TAS2R1: variants seen among roughly 807,000 people sequenced by gnomAD.
TAS2R1 encodes taste 2 receptor member 1.
For synonymous variants in TAS2R1, 141 were observed against 134.2 expected (o/e 1.05, Z -0.35); for missense variants, 370 against 353.4 (o/e 1.05, Z -0.38).
At chr5:9,686,187 G>T (rs1267544778) in intron 1 of TAS2R1, among the ~76,000 whole-genome samples, 2 of 152,092 alleles carry the variant, frequency 1.3e-5, no homozygotes, top group African/African-American at 2.4e-5. Flanking sequence ...TTTAAGCTGC[G>T]ATCGGATGAC....
At chr5:9,898,437 C>G in the TAS2R1 span, among the ~76,000 whole-genome samples, 2 of 152,198 alleles carry the variant, frequency 1.3e-5, no homozygotes, top group South Asian at 2.1e-4. Flanking sequence ...GGTTTTGAGA[C>G]CTTCCCTAAG....
chr5:9,728,359 C>T, the TAS2R1 span, among the ~76,000 whole-genome samples: 1 of 152,166 alleles, frequency 6.6e-6, no homozygotes, highest in African/African-American at 2.4e-5. Context: ...AATAAGGGAA[C>T]AAAGTTCCAA....
chr5:9,806,579 A>T, the TAS2R1 span, among the ~76,000 whole-genome samples: 1 of 152,088 alleles, frequency 6.6e-6, no homozygotes, highest in Admixed American at 6.6e-5. Flanking sequence ...GAATCCAGAA[A>T]AGAAATAAAG....
the TAS2R1 span, among the ~76,000 whole-genome samples, chr5:9,818,813 G>C: frequency 1.4e-3 from 218 of 152,322 alleles, no homozygotes; most frequent in Admixed American, 5.4e-3. Context: ...ATTGCAAGAT[G>C]TGGGACACAA....
chr5:9,848,229 C>A, the TAS2R1 span, among the ~76,000 whole-genome samples: 1 of 152,210 alleles, frequency 6.6e-6, no homozygotes, highest in Non-Finnish European at 1.5e-5. Context: ...GCCTTCTATT[C>A]CTCCAAAGAC....
chr5:9,701,233 C>G (rs1197273371), intron 1 of TAS2R1, among the ~76,000 whole-genome samples: 1 of 43,418 alleles, frequency 2.3e-5, no homozygotes, highest in Admixed American at 2.7e-4. Context: ...CACACACACA[C>G]ACACACACAC....
the TAS2R1 span, among the ~76,000 whole-genome samples, chr5:9,830,067 A>G: frequency 2.6e-4 from 39 of 152,328 alleles, no homozygotes; most frequent in African/African-American, 8.7e-4. Context: ...GGAGGCCACA[A>G]GCATTTTTGC....
chr5:9,730,865 TA>T, the TAS2R1 span, among the ~76,000 whole-genome samples: 1 of 152,230 alleles, frequency 6.6e-6, no homozygotes, highest in Admixed American at 6.5e-5. Flanking sequence ...GATAGTTTTA[TA>T]AGGCATTTCC....
At chr5:9,697,783 T>C (rs1392423663) in intron 1 of TAS2R1, among the ~76,000 whole-genome samples, 5 of 152,140 alleles carry the variant, frequency 3.3e-5, no homozygotes, top group African/African-American at 9.7e-5. Flanking sequence ...CCAGCAGCTA[T>C]TATGCTTAAT....
the TAS2R1 span, among the ~76,000 whole-genome samples, chr5:9,855,536 T>G: frequency 6.6e-6 from 1 of 152,164 alleles, no homozygotes; most frequent in African/African-American, 2.4e-5. Context: ...GCAGCATATA[T>G]AAAAGAACAG....
At chr5:9,816,906 G>A in the TAS2R1 span, among the ~76,000 whole-genome samples, 1 of 152,126 alleles carries the variant, frequency 6.6e-6, no homozygotes, top group African/African-American at 2.4e-5. Context: ...GACAACAGTG[G>A]TTAACTTAGA....
chr5:9,878,318 C>T, the TAS2R1 span, among the ~76,000 whole-genome samples: 5 of 152,188 alleles, frequency 3.3e-5, no homozygotes, highest in South Asian at 1.0e-3. Context: ...CTCCTCCCCA[C>T]ACTTAGCACC....
the TAS2R1 span, among the ~76,000 whole-genome samples, chr5:9,778,084 G>T: frequency 4.6e-5 from 7 of 152,130 alleles, no homozygotes; most frequent in Non-Finnish European, 7.4e-5. Flanking sequence ...GTTTCACCTT[G>T]TTAGCCAGGA....
the TAS2R1 span, among the ~76,000 whole-genome samples, chr5:9,815,171 G>A: frequency 1.3e-5 from 2 of 152,200 alleles, no homozygotes; most frequent in South Asian, 2.1e-4. Flanking sequence ...AAGTAGCTAC[G>A]TCAAGTGTCA....
chr5:9,886,835 C>T, the TAS2R1 span, among the ~76,000 whole-genome samples: 1 of 151,998 alleles, frequency 6.6e-6, no homozygotes, highest in Non-Finnish European at 1.5e-5. Flanking sequence ...TGCAATTAAC[C>T]TACATAACCA....
At chr5:9,899,817 A>G in the TAS2R1 span, among the ~76,000 whole-genome samples, 1 of 152,132 alleles carries the variant, frequency 6.6e-6, no homozygotes, top group Non-Finnish European at 1.5e-5. Flanking sequence ...CAGAACCTCT[A>G]TTTGAGCAAC....
At chr5:9,837,984 G>A in the TAS2R1 span, among the ~76,000 whole-genome samples, 1 of 152,146 alleles carries the variant, frequency 6.6e-6, no homozygotes, top group East Asian at 1.9e-4. Flanking sequence ...AAATATCTGT[G>A]AGTCCCAGCA....
chr5:9,676,318 G>A (rs941773521), intron 1 of TAS2R1, among the ~76,000 whole-genome samples: 6 of 152,080 alleles, frequency 3.9e-5, no homozygotes, highest in Non-Finnish European at 7.4e-5. Context: ...ATACAATGCT[G>A]AAGAAGAACA....
At chr5:9,690,811 C>T (rs1031867341) in intron 1 of TAS2R1, among the ~76,000 whole-genome samples, 1 of 152,042 alleles carries the variant, frequency 6.6e-6, no homozygotes, top group African/African-American at 2.4e-5. Context: ...TGGGGCTCAT[C>T]CTCCTGAGCA....
Sources: allele counts gnomAD v4.1 joint callset (sites outside exome capture counted in the v4.1 genomes callset), GRCh38; gene constraint gnomAD v4.1.1; transcripts MANE v1.5; gene names NCBI Gene and HGNC (gene_info 2026-07-23, HGNC 2026-07-21).